Variants in CHRM3 observed in about 807,000 individuals in gnomAD.
CHRM3 encodes the protein muscarinic acetylcholine receptor M3.
In CHRM3, 11 loss-of-function variants were observed where a neutral mutation model predicts 41.8. The ratio of observed to expected loss-of-function variants is 0.26; its 90% confidence interval spans 0.17 to 0.44. The LOEUF (loss-of-function observed/expected upper bound fraction) is 0.44, where lower values mean the gene tolerates loss of function less well. Among genes scored for constraint, CHRM3 ranks in the 20% least tolerant of loss-of-function variants. CHRM3 has a pLI of 1.00. For missense variants in CHRM3, 571 were observed against 745.4 expected, an observed-to-expected ratio of 0.77 and a Z score of 2.72; for synonymous variants, 297 against 301.4, an observed-to-expected ratio of 0.99 and a Z score of 0.15.
chr1:239,539,431 T>G (rs2148379501), intron 2 of CHRM3, among the ~76,000 whole-genome samples: 1 of 152,214 alleles, frequency 6.6e-6, no homozygotes, highest in East Asian at 1.9e-4. Flanking sequence ...CGATTTTGAG[T>G]CTCAGCCGTC....
intron 1 of CHRM3, among the ~76,000 whole-genome samples, chr1:239,462,478 A>C (rs1033323727): frequency 1.3e-5 from 2 of 152,184 alleles, no homozygotes; most frequent in Non-Finnish European, 2.9e-5. Context: ...TTGTTTTTAT[A>C]ATATAATGCA....
At chr1:239,432,796 G>A (rs1229867698) in intron 1 of CHRM3, among the ~76,000 whole-genome samples, 1 of 152,138 alleles carries the variant, frequency 6.6e-6, no homozygotes, top group Admixed American at 6.5e-5. Context: ...TCTATCTAAG[G>A]ATCATATTGG....
At chr1:239,866,479 G>A (rs1558191903) in intron 6 of CHRM3, among the ~76,000 whole-genome samples, 1 of 151,982 alleles carries the variant, frequency 6.6e-6, no homozygotes, top group Non-Finnish European at 1.5e-5. Flanking sequence ...CACAGCTGTA[G>A]AGCCCATGCT....
At chr1:239,598,807 G>A (rs1339092443) in intron 3 of CHRM3, among the ~76,000 whole-genome samples, 1 of 151,938 alleles carries the variant, frequency 6.6e-6, no homozygotes, top group Admixed American at 6.6e-5. Flanking sequence ...GGGAATATGG[G>A]CTGTGAGGTC....
intron 5 of CHRM3, among the ~76,000 whole-genome samples, chr1:239,777,182 C>A (rs961454787): frequency 2.0e-5 from 3 of 152,058 alleles, no homozygotes; most frequent in Admixed American, 2.0e-4. Context: ...TGGTTGTGAG[C>A]CATAAGAAAG....
At chr1:239,617,464 C>T (rs186529363) in intron 3 of CHRM3, among the ~76,000 whole-genome samples, 3 of 152,274 alleles carry the variant, frequency 2.0e-5, no homozygotes, top group East Asian at 3.9e-4. Flanking sequence ...GGAGCTCACA[C>T]CTACAATCCC....
At chr1:239,741,949 C>T (rs371577343) in intron 5 of CHRM3, among the ~76,000 whole-genome samples, 23 of 152,266 alleles carry the variant, frequency 1.5e-4, no homozygotes, top group African/African-American at 5.1e-4. Flanking sequence ...CCCCATGCAT[C>T]GTATAGTTCC....
chr1:239,393,425 G>A (rs746645562), intron 1 of CHRM3, among the ~76,000 whole-genome samples: 10 of 152,124 alleles, frequency 6.6e-5, no homozygotes, highest in Non-Finnish European at 1.0e-4. Flanking sequence ...TGAAATAGAC[G>A]TGATGATCCT....
chr1:239,628,549 A>G (rs1402577347), intron 3 of CHRM3, among the ~76,000 whole-genome samples: 3 of 68,826 alleles, frequency 4.4e-5, no homozygotes, highest in Admixed American at 1.2e-4. Context: ...CTGGTGAGGA[A>G]CTGCGTTCCT....
rs183706167 is a variant in CHRM3 at position 239,557,431 on chromosome 1, C to T, written c.-313+11682C>T. Among the ~76,000 whole-genome samples, 157 of 152,244 alleles carry T rather than the reference C, an allele frequency of 1.0e-3. 2 individuals carry two copies. The highest frequency in any genetic ancestry group is 1.5e-3 in the Non-Finnish European group (101 of 68,012). On this transcript the variant is annotated intron_variant, in intron 3 of 6. Coordinates refer to ENST00000676153, the MANE Select transcript of CHRM3 (RefSeq NM_001375978.1). The stretch of plus-strand genomic sequence containing the variant: ...AACACACCTCTGAGTATTTTATTCT[C>T]TGTGTAAATGTCTCTCCCTTTGCCT...
At chr1:239,574,167 A>C (rs1205840379) in intron 3 of CHRM3, among the ~76,000 whole-genome samples, 1 of 152,186 alleles carries the variant, frequency 6.6e-6, no homozygotes, top group Admixed American at 6.6e-5. Context: ...GTTTATTCTC[A>C]GCTGAGCTGC....
intron 6 of CHRM3, among the ~76,000 whole-genome samples, chr1:239,871,626 T>C (rs1676595596): frequency 6.6e-6 from 1 of 152,194 alleles, no homozygotes; most frequent in South Asian, 2.1e-4. Context: ...ATGAGTGACC[T>C]GTTTCTTCTT....
chr1:239,596,687 T>A (rs1386175952), intron 3 of CHRM3, among the ~76,000 whole-genome samples: 2 of 152,204 alleles, frequency 1.3e-5, no homozygotes, highest in Non-Finnish European at 2.9e-5. Context: ...AAAGGATGCT[T>A]TCTTGTAGCA....
At chr1:239,760,156 AC>A (rs1230462494) in intron 5 of CHRM3, among the ~76,000 whole-genome samples, 3 of 150,234 alleles carry the variant, frequency 2.0e-5, no homozygotes, top group Non-Finnish European at 4.4e-5. Context: ...CGATCTCCTG[AC>A]CTCGTGATCC....
intron 1 of CHRM3, among the ~76,000 whole-genome samples, chr1:239,409,826 C>G (rs1235735749): frequency 6.6e-6 from 1 of 152,166 alleles, no homozygotes; most frequent in Non-Finnish European, 1.5e-5. Context: ...CCTGTAGTCC[C>G]AGCTACTCTC....
rs144913833 is a variant in CHRM3, at chr1:239,849,533, A to G, written c.-20+22155A>G. The stretch of plus-strand genomic sequence containing the variant: ...ATGATACATAAAATATAATAAAAAT[A>G]TAACATTTGTATCAAAAGACACAAA... On this transcript the variant is annotated intron_variant, in intron 6 of 6. Coordinates refer to ENST00000676153, the MANE Select transcript of CHRM3 (RefSeq NM_001375978.1). 1.2e-4 allele frequency among the ~76,000 whole-genome samples: 18 copies of G among 152,382 alleles called. No homozygotes were observed. In the East Asian group the frequency reaches 3.5e-3, roughly 29 times the overall value.
chr1:239,893,552 A>G (rs576684153), intron 6 of CHRM3, among the ~76,000 whole-genome samples: 3 of 152,242 alleles, frequency 2.0e-5, no homozygotes, highest in African/African-American at 7.2e-5. Context: ...AAATCATAAC[A>G]GTCCCCACCT....
At chr1:239,652,634 A>G (rs1454391105) in intron 4 of CHRM3, among the ~76,000 whole-genome samples, 1 of 135,056 alleles carries the variant, frequency 7.4e-6, no homozygotes, top group Non-Finnish European at 1.6e-5. Flanking sequence ...TATGCTCACT[A>G]TGACAGGAAA....
chr1:239,756,300 T>C (rs993024572), intron 5 of CHRM3, among the ~76,000 whole-genome samples: 1 of 152,200 alleles, frequency 6.6e-6, no homozygotes, highest in African/African-American at 2.4e-5. Flanking sequence ...CTAGTCAGTC[T>C]GTACTATGAT....
Sources: gnomAD v4.1 joint callset for allele counts (sites outside exome capture counted in the v4.1 genomes callset) on GRCh38, gnomAD v4.1.1 for gene constraint, MANE v1.5 for transcripts, NCBI Gene and HGNC (gene_info 2026-07-23, HGNC 2026-07-21) for gene names.